The following AGFG1 variants were observed in gnomAD, a reference collection of about 807,000 sequenced individuals.
AGFG1 encodes ArfGAP with FG repeats 1.
AGFG1 carries 10 observed loss-of-function variants against 60.6 expected under a neutral mutation model. The observed-to-expected ratio is 0.16, with a 90% CI of 0.10 to 0.28. The LOEUF is 0.28. AGFG1 is among the 10% of genes least tolerant of loss of function. The pLI is 1.00. For missense variants in AGFG1, 537 were observed against 676.5 expected (o/e 0.79, Z 2.29); for synonymous variants, 247 against 242.9 (o/e 1.02, Z -0.16).
chr2:227,540,836 T>C (rs947140788), intron 10 of AGFG1, among the ~76,000 whole-genome samples: 1 of 152,214 alleles, frequency 6.6e-6, no homozygotes, highest in African/African-American at 2.4e-5. Context: ...TTCCTGTTTC[T>C]CCACATCCTC....
At chr2:227,553,878 A>C in intron 12 of AGFG1, 83 bp downstream of exon 12, 1 of 1,046,172 alleles carries the variant, frequency 9.6e-7, no homozygotes, top group Non-Finnish European at 1.4e-6. Flanking sequence ...TAATATTCCT[A>C]GATGGTATTT....
At chr2:227,502,131 T>G (rs959133937) in intron 2 of AGFG1, among the ~76,000 whole-genome samples, 3 of 152,190 alleles carry the variant, frequency 2.0e-5, no homozygotes. Flanking sequence ...GTGCGAGGAT[T>G]ACAGGCCTGA....
At chr2:227,481,490 C>T (rs771307193) in intron 1 of AGFG1, among the ~76,000 whole-genome samples, 3 of 152,160 alleles carry the variant, frequency 2.0e-5, no homozygotes, top group African/African-American at 4.8e-5. Flanking sequence ...CTTGATATGT[C>T]CTGTGGTGGG....
intron 5 of AGFG1, 151 bp from the exon 6 acceptor site, chr2:227,530,940 T>C: frequency 2.7e-6 from 2 of 730,282 alleles, no homozygotes; most frequent in Non-Finnish European, 2.1e-6. Context: ...TACATGCTGG[T>C]AGGGTTTAAA....
At chr2:227,531,521 GTC>G (rs1169964504) in intron 6 of AGFG1, among the ~76,000 whole-genome samples, 11 of 114,714 alleles carry the variant, frequency 9.6e-5, no homozygotes, top group Admixed American at 8.1e-4. Flanking sequence ...CTCTCTCTCT[GTC>G]TCTTTTTTTT....
chr2:227,549,413 CCTGT>C (rs1370948807), intron 10 of AGFG1, among the ~76,000 whole-genome samples: 3 of 152,178 alleles, frequency 2.0e-5, no homozygotes, highest in African/African-American at 7.2e-5. Context: ...TTATATGTAA[CCTGT>C]CTGTCCTCAA....
chr2:227,497,165 T>TCCC (rs11422803), intron 2 of AGFG1, among the ~76,000 whole-genome samples: 1 of 137,344 alleles, frequency 7.3e-6, no homozygotes, highest in Non-Finnish European at 1.6e-5. Flanking sequence ...CACCCCCTCT[T>TCCC]CCCCCCCCAC....
chr2:227,544,389 C>T (rs986283206), intron 10 of AGFG1, among the ~76,000 whole-genome samples: 1 of 151,934 alleles, frequency 6.6e-6, no homozygotes, highest in Non-Finnish European at 1.5e-5. Flanking sequence ...CTCCTGACCT[C>T]GTCATCTGCC....
chr2:227,521,088 T>G (rs1289422990), intron 3 of AGFG1, among the ~76,000 whole-genome samples: 1 of 151,940 alleles, frequency 6.6e-6, no homozygotes, highest in Admixed American at 6.6e-5. Context: ...TTTTGGAGAC[T>G]GAGTTTTGCT....
chr2:227,472,602 G>A lies in AGFG1; in HGVS notation c.167+14G>A, dbSNP rs776219742. The A allele has an allele frequency of 1.2e-5, 19 of 1,565,182 alleles. No homozygotes were observed. The East Asian group carries it at 4.7e-4, about 39-fold the overall frequency. ...CTCCGGCAGCCTGTGAGTGCGGGGC[G>A]GCCGGGCGGGTGTCGGGCCCTTCCC... is the stretch of plus-strand genomic sequence containing the variant. On this transcript the variant is annotated intron_variant, in intron 1 of 12. Transcript: ENST00000310078.
chr2:227,521,071 C>CT (rs11295504), intron 3 of AGFG1, among the ~76,000 whole-genome samples: 13 of 150,178 alleles, frequency 8.7e-5, no homozygotes, highest in East Asian at 3.9e-4. Flanking sequence ...CTACATTTTT[C>CT]TTTTTTTTTT....
At chr2:227,478,621 AC>A (rs1390416631) in intron 1 of AGFG1, among the ~76,000 whole-genome samples, 1 of 152,178 alleles carries the variant, frequency 6.6e-6, no homozygotes, top group Non-Finnish European at 1.5e-5. Flanking sequence ...GGCGTGAATT[AC>A]CATGCCCTGC....
At chr2:227,508,079 C>T (rs990553432) in intron 2 of AGFG1, among the ~76,000 whole-genome samples, 4 of 151,820 alleles carry the variant, frequency 2.6e-5, no homozygotes, top group African/African-American at 9.7e-5. Context: ...TTCCCCACCT[C>T]TTGGTTTATT....
intron 2 of AGFG1, among the ~76,000 whole-genome samples, chr2:227,500,176 A>G (rs78353865): frequency 8.5e-5 from 13 of 152,184 alleles, no homozygotes; most frequent in East Asian, 3.8e-4. Context: ...AGGTTTGGGT[A>G]GTAGTAGCCA....
chr2:227,525,473 T>C (rs1463507514), intron 5 of AGFG1, among the ~76,000 whole-genome samples: 1 of 152,210 alleles, frequency 6.6e-6, no homozygotes, highest in Non-Finnish European at 1.5e-5. Context: ...TACGTACATA[T>C]GTACATACAT....
Position 227,555,843 on chromosome 2 carries a change from TAA to T in AGFG1, c.*1349_*1350del, listed in dbSNP as rs1260972055. The T allele has an allele frequency of 1.3e-5, 2 of 152,110 alleles. No homozygotes were observed. Among genetic ancestry groups the T allele is most frequent in the African/African-American group, 2.4e-5 (1 of 41,436 alleles). The allele number at this position is 152,110 out of a possible 1,614,324, so 9.4% of individuals were successfully genotyped here. ...TAAAAATGCCTCTGAGCAACCCATA[TAA>T]GTCACAAAGTCTGTGTGTTAGAGCT... On this transcript the variant is annotated 3_prime_UTR_variant, in exon 13 of 13. Coordinates refer to ENST00000310078, the MANE Select transcript of AGFG1 (RefSeq NM_004504.5).
chr2:227,527,961 AT>A (rs1410906852), intron 5 of AGFG1, among the ~76,000 whole-genome samples: 1 of 152,026 alleles, frequency 6.6e-6, no homozygotes, highest in Non-Finnish European at 1.5e-5. Flanking sequence ...ACTTTGCCTT[AT>A]TTTACTTACC....
In AGFG1 at chr2:227,559,360, A is replaced by C. The variant is rs759735576; in HGVS notation, c.*4865A>C. ...GGTAGGAAATAGCTCTTCTTATGCC[A>C]CATCTTAGTCTGATTTTGAAGTCAG... On this transcript the variant is annotated 3_prime_UTR_variant, in exon 13 of 13. Coordinates refer to ENST00000310078, the MANE Select transcript of AGFG1 (RefSeq NM_004504.5). 1 of 152,216 alleles carries C rather than the reference A, an allele frequency of 6.6e-6. No homozygotes were observed. Among genetic ancestry groups the C allele is most frequent in the Admixed American group, 6.5e-5 (1 of 15,280 alleles). 9.4% of individuals were successfully genotyped at this position (152,216 alleles called of 1,614,324 possible). A position where few individuals can be genotyped will look rare whatever the true frequency, so the allele number is the denominator to read the frequency against.
chr2:227,533,509 A>G, intron 6 of AGFG1, 40 bp from the exon 7 acceptor site: 3 of 1,566,950 alleles, frequency 1.9e-6, no homozygotes, highest in Non-Finnish European at 2.6e-6. Flanking sequence ...GTACTAGGAA[A>G]AGCTTAGAAA....
Sources: gnomAD v4.1 joint callset for allele counts (sites outside exome capture counted in the v4.1 genomes callset) on GRCh38, gnomAD v4.1.1 for gene constraint, MANE v1.5 for transcripts, NCBI Gene and HGNC (gene_info 2026-07-23, HGNC 2026-07-21) for gene names.